CNTN3: variants seen among roughly 807,000 people sequenced by gnomAD.
CNTN3 encodes the protein contactin 3.
A neutral mutation model predicts 119.1 loss-of-function variants in CNTN3; 60 were observed. The observed-to-expected ratio is 0.50, with a 90% CI of 0.41 to 0.62. The LOEUF is 0.62. CNTN3 is among the 20% of genes least tolerant of loss of function. CNTN3 has a pLI of 0.00. For missense variants in CNTN3, 1,101 were observed against 1,242.4 expected (o/e 0.89, Z 1.71); for synonymous variants, 450 against 438.7 (o/e 1.03, Z -0.32).
chr3:74,551,808 G>GGC (rs1703995991), intron 1 of CNTN3, among the ~76,000 whole-genome samples: 1 of 126,966 alleles, frequency 7.9e-6, no homozygotes, highest in Non-Finnish European at 1.6e-5. Flanking sequence ...CTGTTGCCCA[G>GGC]GCTGGAGTGC....
intron 8 of CNTN3, among the ~76,000 whole-genome samples, chr3:74,366,800 A>ATATATATATATATATATATATATATATG (rs1388015556): frequency 7.4e-6 from 1 of 134,378 alleles, no homozygotes; most frequent in African/African-American, 2.8e-5. Flanking sequence ...ATATATATAT[A>ATATATATATATATATATATATATATATG]TATATATAAC....
intron 4 of CNTN3, among the ~76,000 whole-genome samples, chr3:74,477,084 C>G (rs1345038149): frequency 6.6e-6 from 1 of 152,060 alleles, no homozygotes. Context: ...GAATTACTCT[C>G]CAGAATTGTA....
chr3:74,336,655 A>C lies in CNTN3; in HGVS notation c.1368T>G (p.Ile456Met). The change falls in exon 12 of 23, where the codon ATT becomes ATG. Residue 456 changes from isoleucine (I) to methionine (M), a missense_variant. Coordinates refer to ENST00000263665, the MANE Select transcript of CNTN3 (RefSeq NM_020872.3). Reference protein sequence around the residue: ...GDVSVQEHERISLLNDGGLKI... With the variant: ...GDVSVQEHERMSLLNDGGLKI... ...TGAGTCCTCCATCGTTTAACAAAGAAATTCTAAAGCAAAGACAAATAAGAT... is the reference window on the plus strand; with the variant it reads ...TGAGTCCTCCATCGTTTAACAAAGACATTCTAAAGCAAAGACAAATAAGAT... 6.2e-7 allele frequency: 1 copy of C among 1,604,664 alleles called. No individual in the cohort carries two copies. Among genetic ancestry groups the C allele is most frequent in the Non-Finnish European group, 8.5e-7 (1 of 1,174,144 alleles).
chr3:74,369,516 A>T, intron 7 of CNTN3, 143 bp from the exon 8 acceptor site: 1 of 544,572 alleles, frequency 1.8e-6, no homozygotes, highest in Non-Finnish European at 3.1e-6. Context: ...TAAACCTGAT[A>T]AAAAAGATTT....
Position 74,567,516 on chromosome 3 carries a change from C to T in CNTN3, c.-80-46324G>A, listed in dbSNP as rs537668349. On this transcript the variant is annotated intron_variant, in intron 1 of 22. Transcript: ENST00000263665. Reference sequence around the variant, plus strand: ...TATGAAATAGCTGAAATTATTTCAACACGTTTGAGTTCCTGCTGTGTGATA... The same window carrying T: ...TATGAAATAGCTGAAATTATTTCAATACGTTTGAGTTCCTGCTGTGTGATA... Among the ~76,000 whole-genome samples the T allele has an allele frequency of 3.3e-5, 5 of 152,022 alleles. No individual in the cohort carries two copies. In the South Asian group the frequency reaches 6.2e-4, roughly 19 times the overall value.
At chr3:74,409,768 T>C (rs900118654) in intron 5 of CNTN3, among the ~76,000 whole-genome samples, 1 of 152,196 alleles carries the variant, frequency 6.6e-6, no homozygotes, top group African/African-American at 2.4e-5. Flanking sequence ...TTAGCTTATT[T>C]TGAAGCTCTT....
At chr3:74,552,597 T>G (rs1246828115) in intron 1 of CNTN3, among the ~76,000 whole-genome samples, 1 of 152,176 alleles carries the variant, frequency 6.6e-6, no homozygotes, top group African/African-American at 2.4e-5. Context: ...TGTAATATCT[T>G]TTTTTGGAAT....
At chr3:74,329,822 T>C (rs1398678859) in intron 13 of CNTN3, among the ~76,000 whole-genome samples, 2 of 152,140 alleles carry the variant, frequency 1.3e-5, no homozygotes, top group Non-Finnish European at 2.9e-5. Flanking sequence ...ACCATAAACA[T>C]ATAGCTAGGC....
chr3:74,606,983 G>T (rs2106712765), intron 1 of CNTN3, among the ~76,000 whole-genome samples: 1 of 152,138 alleles, frequency 6.6e-6, no homozygotes, highest in East Asian at 1.9e-4. Context: ...GTACTCCAAT[G>T]AATAAAAGGA....
intron 13 of CNTN3, among the ~76,000 whole-genome samples, chr3:74,314,440 T>A (rs1178584195): frequency 6.6e-6 from 1 of 152,138 alleles, no homozygotes; most frequent in African/African-American, 2.4e-5. Context: ...AAGACACACA[T>A]AGATTAAAAG....
chr3:74,396,169 A>G (rs897370901), intron 5 of CNTN3, among the ~76,000 whole-genome samples: 1 of 152,194 alleles, frequency 6.6e-6, no homozygotes, highest in Non-Finnish European at 1.5e-5. Flanking sequence ...TAAGTGTTCA[A>G]GTGAAAAGAA....
At chr3:74,484,283 G>A (rs1187971860) in intron 4 of CNTN3, among the ~76,000 whole-genome samples, 1 of 152,020 alleles carries the variant, frequency 6.6e-6, no homozygotes, top group African/African-American at 2.4e-5. Flanking sequence ...AACACCAAAT[G>A]GAAGCGGTGG....
Position 74,368,955 on chromosome 3 carries a change from G to T in CNTN3, c.946+234C>A, listed in dbSNP as rs992580892. The stretch of plus-strand genomic sequence containing the variant: ...AAAAAATATGAAATATTTTATCTTT[G>T]CATGAATCATTTTAAAATGCAAAAT... On this transcript the variant is annotated intron_variant, in intron 8 of 22. Transcript: ENST00000263665. 2.6e-5 allele frequency among the ~76,000 whole-genome samples: 4 copies of T among 152,122 alleles called. No individual in the cohort carries two copies. The East Asian group carries it at 7.7e-4, about 29-fold the overall frequency.
chr3:74,339,680 T>G (rs1703483699), intron 11 of CNTN3, among the ~76,000 whole-genome samples: 3 of 152,072 alleles, frequency 2.0e-5, no homozygotes, highest in African/African-American at 7.2e-5. Context: ...TTTAGACCCT[T>G]GAAAAGTGTC....
At chr3:74,335,360 C>T (rs996003625) in intron 12 of CNTN3, among the ~76,000 whole-genome samples, 8 of 152,024 alleles carry the variant, frequency 5.3e-5, no homozygotes, top group African/African-American at 1.9e-4. Flanking sequence ...ACAAAAGATG[C>T]TAGAATAGGT....
intron 11 of CNTN3, among the ~76,000 whole-genome samples, chr3:74,340,112 G>C (rs1342799977): frequency 1.3e-5 from 2 of 152,098 alleles, no homozygotes; most frequent in Non-Finnish European, 2.9e-5. Flanking sequence ...CATATTAGTA[G>C]GTATTGTAAG....
chr3:74,379,200 G>A (rs962042841), intron 5 of CNTN3, among the ~76,000 whole-genome samples: 1 of 152,142 alleles, frequency 6.6e-6, no homozygotes, highest in Non-Finnish European at 1.5e-5. Context: ...CTGTTGCCCA[G>A]GCTGGAGTGC....
At chr3:74,398,133 G>T (rs1348194754) in intron 5 of CNTN3, among the ~76,000 whole-genome samples, 2 of 152,206 alleles carry the variant, frequency 1.3e-5, no homozygotes, top group Non-Finnish European at 2.9e-5. Flanking sequence ...GCAGTGACAG[G>T]GTTTGAGAGG....
intron 2 of CNTN3, among the ~76,000 whole-genome samples, chr3:74,511,296 C>A (rs1703359081): frequency 6.6e-6 from 1 of 152,104 alleles, no homozygotes; most frequent in Non-Finnish European, 1.5e-5. Flanking sequence ...GGGAGTAAGA[C>A]ATCCATGGAT....
Sources: allele counts gnomAD v4.1 joint callset (sites outside exome capture counted in the v4.1 genomes callset), GRCh38; gene constraint gnomAD v4.1.1; transcripts MANE v1.5; gene names NCBI Gene and HGNC (gene_info 2026-07-23, HGNC 2026-07-21).